TMEM132B: variants seen among roughly 807,000 people sequenced by gnomAD.
TMEM132B encodes the protein transmembrane protein 132B.
A neutral mutation model predicts 90.8 loss-of-function variants in TMEM132B; 18 were observed. The ratio of observed to expected loss-of-function variants is 0.20; its 90% confidence interval spans 0.14 to 0.29. TMEM132B has a LOEUF of 0.29. TMEM132B is among the 10% of genes least tolerant of loss of function. TMEM132B has a pLI of 1.00. For synonymous variants in TMEM132B, 504 were observed against 523.3 expected, an observed-to-expected ratio of 0.96 and a Z score of 0.50; for missense variants, 1,096 against 1,326.8, an observed-to-expected ratio of 0.83 and a Z score of 2.70.
intron 5 of TMEM132B, among the ~76,000 whole-genome samples, chr12:125,597,998 A>G (rs1208210936): frequency 6.6e-6 from 1 of 152,174 alleles, no homozygotes; most frequent in Non-Finnish European, 1.5e-5. Context: ...AGAATTGGCA[A>G]TGGGAGCGTT....
chr12:125,551,059 C>T lies in TMEM132B; in HGVS notation c.1293+31434C>T, dbSNP rs192556320. On this transcript the variant is annotated intron_variant, in intron 4 of 8. Transcript: ENST00000682704. ...AACTCCTGACCTCAGGTGATCCGCC[C>T]GCCTCGGCCTCCCGAAGTGTTGGGA... Among the ~76,000 whole-genome samples the T allele has an allele frequency of 1.1e-4, 16 of 152,354 alleles. No individual in the cohort carries two copies. The South Asian group carries it at 1.4e-3, about 14-fold the overall frequency.
chr12:125,523,139 A>G (rs1198489690), intron 4 of TMEM132B, among the ~76,000 whole-genome samples: 2 of 152,322 alleles, frequency 1.3e-5, no homozygotes, highest in South Asian at 4.1e-4. Context: ...CTTGCTTGCC[A>G]TATTATTAAT....
At chr12:125,310,720 T>G (rs1413259785) in intron 1 of TMEM132B, among the ~76,000 whole-genome samples, 2 of 152,126 alleles carry the variant, frequency 1.3e-5, no homozygotes, top group African/African-American at 4.8e-5. Context: ...GAGAAACACT[T>G]TGACCTCCCC....
chr12:125,434,936 G>T (rs572863207), intron 3 of TMEM132B, among the ~76,000 whole-genome samples: 63 of 152,312 alleles, frequency 4.1e-4, no homozygotes, highest in Non-Finnish European at 6.9e-4. Flanking sequence ...AGTGCATGAG[G>T]AGAGAAGTCT....
chr12:125,480,481 C>T (rs1041071007), intron 3 of TMEM132B, among the ~76,000 whole-genome samples: 3 of 152,168 alleles, frequency 2.0e-5, no homozygotes, highest in Non-Finnish European at 2.9e-5. Flanking sequence ...CTATAAACAC[C>T]TCTACGCAAA....
chr12:125,429,519 T>C (rs547868385), intron 3 of TMEM132B, among the ~76,000 whole-genome samples: 8 of 152,118 alleles, frequency 5.3e-5, no homozygotes, highest in Non-Finnish European at 1.2e-4. Context: ...ATGTCCTCTT[T>C]CTGTTCTAGG....
chr12:125,579,453 C>T (rs530025965), intron 4 of TMEM132B, among the ~76,000 whole-genome samples: 4 of 151,936 alleles, frequency 2.6e-5, no homozygotes, highest in African/African-American at 9.7e-5. Context: ...TCTCTGCCTC[C>T]TGGGTTCAAG....
chr12:125,423,620 A>G (rs746720806), intron 3 of TMEM132B, among the ~76,000 whole-genome samples: 1 of 152,228 alleles, frequency 6.6e-6, no homozygotes, highest in Non-Finnish European at 1.5e-5. Flanking sequence ...AAGTATAACA[A>G]AAGGCTTCTT....
chr12:125,195,757 G>T (rs1230786054), intron 1 of TMEM132B, among the ~76,000 whole-genome samples: 2 of 152,078 alleles, frequency 1.3e-5, no homozygotes, highest in Non-Finnish European at 2.9e-5. Context: ...AGACCTAAAG[G>T]GGTAAGGGAG....
chr12:125,417,718 C>T lies in TMEM132B; in HGVS notation c.1106+2041C>T, dbSNP rs1880055982. Among the ~76,000 whole-genome samples the T allele has an allele frequency of 2.0e-5, 3 of 152,276 alleles. No homozygotes were observed. In the South Asian group the frequency reaches 6.2e-4, roughly 32 times the overall value. On this transcript the variant is annotated intron_variant, in intron 3 of 8. Coordinates refer to ENST00000682704, the MANE Select transcript of TMEM132B (RefSeq NM_001366854.1). Reference sequence around the variant, plus strand: ...TTAGCTTTTTCTCAGACAGGCCCTTCCCTCCTGGAGGCAAGATGACTGCTA... The same window carrying T: ...TTAGCTTTTTCTCAGACAGGCCCTTTCCTCCTGGAGGCAAGATGACTGCTA...
In TMEM132B at chr12:125,655,143, A is replaced by C. The variant is rs1401062099; in HGVS notation, c.*433A>C. ...TTTAGACATACATGAAAGATGACTG[A>C]ATGTAGCTATCCTGATTTGTCATGA... On this transcript the variant is annotated 3_prime_UTR_variant, in exon 9 of 9. Transcript: ENST00000682704. 2 of 164,062 alleles carry C rather than the reference A, an allele frequency of 1.2e-5. No individual in the cohort carries two copies. The highest frequency in any genetic ancestry group is 4.8e-5 in the African/African-American group (2 of 41,570). The allele number at this position is 164,062 out of a possible 1,614,324, so 10.2% of individuals were successfully genotyped here.
intron 1 of TMEM132B, among the ~76,000 whole-genome samples, chr12:125,324,981 C>T (rs1876520769): frequency 6.6e-6 from 1 of 152,082 alleles, no homozygotes; most frequent in Non-Finnish European, 1.5e-5. Context: ...TGCTCTGGGC[C>T]CCTTGGTGTA....
chr12:125,443,923 A>G lies in TMEM132B; in HGVS notation c.1106+28246A>G, dbSNP rs1397787945. On this transcript the variant is annotated intron_variant, in intron 3 of 8. Transcript: ENST00000682704. ...AGCTGAATTGGGAAGGGCAGGGGTG[A>G]TGAAAGTGTATTTTTTTTTTTCCTG... Among the ~76,000 whole-genome samples, 3 of 152,006 alleles carry G rather than the reference A, an allele frequency of 2.0e-5. No individual in the cohort carries two copies. The East Asian group carries it at 5.8e-4, about 29-fold the overall frequency.
intron 1 of TMEM132B, among the ~76,000 whole-genome samples, chr12:125,292,286 A>C (rs1385217596): frequency 6.6e-6 from 1 of 152,242 alleles, no homozygotes; most frequent in African/African-American, 2.4e-5. Context: ...TATTTTTAAA[A>C]TTGCAGTGAC....
intron 1 of TMEM132B, among the ~76,000 whole-genome samples, chr12:125,345,939 G>T (rs766316896): frequency 4.6e-5 from 7 of 152,226 alleles, no homozygotes; most frequent in Non-Finnish European, 1.0e-4. Flanking sequence ...AAAGGGAAGA[G>T]TGTTAGCTTT....
chr12:125,416,815 G>C (rs987351137), intron 3 of TMEM132B, among the ~76,000 whole-genome samples: 1 of 152,100 alleles, frequency 6.6e-6, no homozygotes, highest in African/African-American at 2.4e-5. Flanking sequence ...TACATCTATC[G>C]ACAGAGTTTT....
chr12:125,356,944 T>C (rs1877794373), intron 2 of TMEM132B, among the ~76,000 whole-genome samples: 1 of 152,264 alleles, frequency 6.6e-6, no homozygotes, highest in South Asian at 2.1e-4. Context: ...CGACGTAAGA[T>C]ATCATTGTTT....
chr12:125,300,015 G>A (rs1875780217), intron 1 of TMEM132B, among the ~76,000 whole-genome samples: 1 of 152,228 alleles, frequency 6.6e-6, no homozygotes, highest in Non-Finnish European at 1.5e-5. Flanking sequence ...GCTCCCAGCT[G>A]TTCCTCCCAT....
At chr12:125,635,570 T>A (rs1886461103) in intron 5 of TMEM132B, among the ~76,000 whole-genome samples, 1 of 152,200 alleles carries the variant, frequency 6.6e-6, no homozygotes, top group African/African-American at 2.4e-5. Flanking sequence ...GTTCCAAGTC[T>A]TTGCTATTGT....
Sources: allele counts gnomAD v4.1 joint callset (sites outside exome capture counted in the v4.1 genomes callset), GRCh38; gene constraint gnomAD v4.1.1; transcripts MANE v1.5; gene names NCBI Gene and HGNC (gene_info 2026-07-23, HGNC 2026-07-21).